Variants in CA5B observed in about 807,000 individuals in gnomAD.
The protein encoded by CA5B is carbonic anhydrase 5B.
CA5B carries 15 observed loss-of-function variants against 23.1 expected under a neutral mutation model. The observed-to-expected ratio is 0.65, with a 90% CI of 0.43 to 1.00. The LOEUF (loss-of-function observed/expected upper bound fraction) is 1.00. Among genes scored for constraint, CA5B ranks in the 50% least tolerant of loss-of-function variants. The pLI is 0.00. For missense variants in CA5B, 236 were observed against 252.2 expected (o/e 0.94, Z 0.43); for synonymous variants, 84 against 98.5 (o/e 0.85, Z 0.87).
chrX:15,768,382 A>ATTTAT (rs1931755282), intron 3 of CA5B, among the ~76,000 whole-genome samples: 1 of 111,408 alleles, frequency 9.0e-6, no homozygotes, highest in African/African-American at 3.3e-5. Context: ...TTGTCATAAT[A>ATTTAT]GCTTCTTTTT....
intron 3 of CA5B, among the ~76,000 whole-genome samples, chrX:15,771,463 G>A (rs1018148078): frequency 4.6e-5 from 5 of 108,471 alleles, no homozygotes; most frequent in Middle Eastern, 4.7e-3. Context: ...GTCTCGGTCT[G>A]TCACTCAGGC....
intron 7 of CA5B, among the ~76,000 whole-genome samples, chrX:15,780,277 A>T (rs5980187): frequency 0.35 from 34,817 of 100,000 alleles, 5,943 homozygotes; most frequent in Non-Finnish European, 0.51. Flanking sequence ...TGCCTGGAAC[A>T]TTTTTTTTTT....
chrX:15,766,883 C>A (rs755984822), intron 3 of CA5B: 1 of 327,224 alleles, frequency 3.1e-6, no homozygotes, highest in South Asian at 2.7e-5. Context: ...CCTCATCATG[C>A]ATCTTTCTTA....
intron 2 of CA5B, chrX:15,762,747 T>A (rs773485445): frequency 8.9e-6 from 3 of 337,355 alleles, no homozygotes. Context: ...ATGCAGAGGG[T>A]CGTTGGTAAT....
At chrX:15,749,234 G>A (rs1446867760) in intron 1 of CA5B, among the ~76,000 whole-genome samples, 1 of 111,491 alleles carries the variant, frequency 9.0e-6, no homozygotes, top group Non-Finnish European at 1.9e-5. Flanking sequence ...GGTGGGGAAA[G>A]TGTTCAAAGT....
chrX:15,750,894 G>C (rs902945401), intron 2 of CA5B, among the ~76,000 whole-genome samples: 8 of 111,598 alleles, frequency 7.2e-5, no homozygotes, highest in Non-Finnish European at 1.1e-4. Flanking sequence ...TGTTGTAGGG[G>C]GTTGTCCTGT....
At chrX:15,776,058 A>G (rs768890986) in intron 6 of CA5B, 40 of 745,274 alleles carry the variant, frequency 5.4e-5, no homozygotes, top group South Asian at 6.9e-5. Flanking sequence ...AAAGCCTCCA[A>G]CCGGGCGCAG....
intron 3 of CA5B, chrX:15,768,722 GAA>G (rs1191774852): frequency 9.0e-6 from 1 of 110,520 alleles, no homozygotes; most frequent in African/African-American, 3.3e-5. Context: ...ATGCAAAGAG[GAA>G]AAAAAGAGTG....
intron 2 of CA5B, among the ~76,000 whole-genome samples, chrX:15,758,869 A>G (rs1219901520): frequency 8.9e-6 from 1 of 111,786 alleles, no homozygotes; most frequent in African/African-American, 3.3e-5. Context: ...GATGCTCCTC[A>G]TCTTATTCCA....
chrX:15,753,701 G>T lies in CA5B; in HGVS notation c.142+3536G>T, dbSNP rs781631620. 2.7e-5 allele frequency among the ~76,000 whole-genome samples: 3 copies of T among 112,366 alleles called. No homozygotes were observed. In the East Asian group the frequency reaches 8.4e-4, roughly 32 times the overall value. On this transcript the variant is annotated intron_variant, in intron 2 of 7. Coordinates refer to ENST00000318636, the MANE Select transcript of CA5B (RefSeq NM_007220.4). ...AGGCAGGTGGATCACCTGAGGTCAG[G>T]AGTTCGAGATCAGCCTGGCCAACAT... is the stretch of plus-strand genomic sequence containing the variant.
intron 2 of CA5B, among the ~76,000 whole-genome samples, chrX:15,751,081 A>G (rs1931346314): frequency 8.9e-6 from 1 of 112,363 alleles, no homozygotes; most frequent in South Asian, 3.7e-4. Flanking sequence ...TTGTGAACAG[A>G]TAACTTTGAG....
intron 2 of CA5B, among the ~76,000 whole-genome samples, chrX:15,754,732 T>C (rs983708417): frequency 1.6e-4 from 18 of 112,436 alleles, no homozygotes; most frequent in African/African-American, 5.8e-4. Context: ...CTTAATTGAA[T>C]GAAATATAAA....
rs1465653636 is a variant in CA5B at position 15,764,536 on chromosome X, G to A, written c.143-42G>A. 4.2e-6 allele frequency: 5 copies of A among 1,201,656 alleles called. No individual in the cohort carries two copies. In the East Asian group the frequency reaches 8.9e-5, roughly 21 times the overall value. ...ATTATAGGAGTGAGCCACTGCACTC[G>A]GTCCAACAGTCTTGATAATAGGCTG... On this transcript the variant is annotated intron_variant, in intron 2 of 7. Transcript: ENST00000318636.
chrX:15,771,583 C>T (rs1272345870), intron 3 of CA5B, among the ~76,000 whole-genome samples: 3 of 96,878 alleles, frequency 3.1e-5, no homozygotes, highest in Non-Finnish European at 4.3e-5. Flanking sequence ...TGGGCCACCA[C>T]GCCCAGCTAA....
chrX:15,746,696 G>A (rs925198598), intron 1 of CA5B, among the ~76,000 whole-genome samples: 24 of 111,194 alleles, frequency 2.2e-4, no homozygotes, highest in African/African-American at 7.2e-4. Context: ...AGATAATTTC[G>A]CGGGTAAGGG....
chrX:15,776,282 T>C (rs1931925183), intron 6 of CA5B: 1 of 94,433 alleles, frequency 1.1e-5, no homozygotes. Flanking sequence ...GAGCTTGCAG[T>C]GAGCCGAGAT....
At chrX:15,740,861 C>T (rs893080566) in intron 1 of CA5B, among the ~76,000 whole-genome samples, 1 of 111,653 alleles carries the variant, frequency 9.0e-6, no homozygotes, top group Non-Finnish European at 1.9e-5. Context: ...GCCAGGAGTT[C>T]GAGACCAGCC....
rs1569280421 is a variant in CA5B at position 15,774,351 on chromosome X, C to A, written c.509C>A (p.Ala170Glu). The change falls in exon 5 of 8, where the codon GCA (alanine) becomes GAA (glutamate). Residue 170 changes from alanine to glutamate, a missense_variant. Physicochemically the swap from Ala to Glu is moderately radical, Grantham distance 107 (BLOSUM62 -1). This residue lies in a region of CA5B where 170 missense variants were observed against 162.0 expected (regional missense o/e 1.05). Transcript: ENST00000318636. Reference sequence around the variant, plus strand: ...GTCAGATTTGAAAACTTTGAGGATGCAGCACTGGAAGAAAATGGTTTGGCT... The same window carrying A: ...GTCAGATTTGAAAACTTTGAGGATGAAGCACTGGAAGAAAATGGTTTGGCT... ...NAVRFENFED[A>E]ALEENGLAVI... 2 of 1,208,394 alleles carry A rather than the reference C, an allele frequency of 1.7e-6. No individual in the cohort carries two copies. The highest frequency in any genetic ancestry group is 2.2e-6 in the Non-Finnish European group (2 of 893,944).
intron 1 of CA5B, among the ~76,000 whole-genome samples, chrX:15,740,391 A>T (rs1931094652): frequency 8.9e-6 from 1 of 112,828 alleles, no homozygotes; most frequent in Admixed American, 9.4e-5. Flanking sequence ...ACCAACTCTT[A>T]AAAAACTATA....
Sources: allele counts gnomAD v4.1 joint callset (sites outside exome capture counted in the v4.1 genomes callset), GRCh38; gene constraint gnomAD v4.1.1; regional missense constraint gnomAD v4.1.1; transcripts MANE v1.5; gene names NCBI Gene and HGNC (gene_info 2026-07-23, HGNC 2026-07-21).